The following PCDH15 variants were observed in gnomAD, a reference collection of about 807,000 sequenced individuals.
PCDH15 encodes protocadherin-15.
A neutral mutation model predicts 178.5 loss-of-function variants in PCDH15; 129 were observed. The ratio of observed to expected loss-of-function variants is 0.72; its 90% CI spans 0.63 to 0.84. The LOEUF is 0.84. Ranked by LOEUF, PCDH15 falls within the 40% of genes least tolerant of loss-of-function variation. The probability of loss-of-function intolerance (pLI) is 0.00; values close to 1 mark genes in which losing one functional copy is unlikely to be tolerated. For missense variants in PCDH15, 2,230 were observed against 2,099.9 expected (o/e 1.06, Z -1.21); for synonymous variants, 800 against 732.0 (o/e 1.09, Z -1.50).
At chr10:55,588,462 CCA>C (rs1390741407) in intron 2 of PCDH15, among the ~76,000 whole-genome samples, 1 of 151,938 alleles carries the variant, frequency 6.6e-6, no homozygotes, top group Admixed American at 6.6e-5. Context: ...AAAAGAAACC[CCA>C]CACACATAAA....
intron 18 of PCDH15, among the ~76,000 whole-genome samples, chr10:54,047,948 G>A (rs2093689374): frequency 6.6e-6 from 1 of 152,130 alleles, no homozygotes; most frequent in Non-Finnish European, 1.5e-5. Flanking sequence ...AAGAATGTTG[G>A]TTCAAGTGGT....
At chr10:53,978,657 G>GGTTT (rs1564914167) in intron 21 of PCDH15, among the ~76,000 whole-genome samples, 1 of 143,186 alleles carries the variant, frequency 7.0e-6, no homozygotes, top group Non-Finnish European at 1.5e-5. Context: ...TCCAGAAAAT[G>GGTTT]TTTTTTTTTT....
intron 3 of PCDH15, among the ~76,000 whole-genome samples, chr10:54,880,640 A>T (rs751132487): frequency 6.6e-6 from 1 of 151,748 alleles, no homozygotes; most frequent in Non-Finnish European, 1.5e-5. Flanking sequence ...ATATATTTTT[A>T]GTTGGAATGA....
intron 21 of PCDH15, among the ~76,000 whole-genome samples, chr10:53,990,393 A>G (rs953822382): frequency 9.9e-5 from 15 of 151,716 alleles, no homozygotes; most frequent in Non-Finnish European, 2.9e-5. Flanking sequence ...TTTAAAGTCC[A>G]TAACTATTAA....
rs183003428 is a variant in PCDH15, at chr10:54,592,504, A to G, written c.92-64627T>C. 1.1e-3 allele frequency among the ~76,000 whole-genome samples: 165 copies of G among 152,276 alleles called. 1 individual carries two copies. The highest frequency in any genetic ancestry group is 3.6e-3 in the African/African-American group (151 of 41,562). ...GCTAATTAACATATCCATCACATCC[A>G]TAATGTAAAACATATCTAATGTTGT... On this transcript the variant is annotated intron_variant, in intron 2 of 37. Transcript: ENST00000644397.
intron 1 of PCDH15, among the ~76,000 whole-genome samples, chr10:55,190,861 A>G (rs1432768569): frequency 6.6e-6 from 1 of 151,734 alleles, no homozygotes; most frequent in Non-Finnish European, 1.5e-5. Context: ...ATTACTCTTT[A>G]TAAAAGAGTT....
chr10:54,743,690 G>A (rs1591397589), intron 1 of PCDH15, among the ~76,000 whole-genome samples: 2 of 151,898 alleles, frequency 1.3e-5, no homozygotes, highest in East Asian at 3.9e-4. Flanking sequence ...TAATATAGAG[G>A]CATAGTAGCA....
chr10:54,151,698 T>C (rs916279456), intron 14 of PCDH15, among the ~76,000 whole-genome samples: 6 of 152,136 alleles, frequency 3.9e-5, no homozygotes, highest in Non-Finnish European at 8.8e-5. Flanking sequence ...ATGCAAAATG[T>C]TCTTGGATAG....
intron 2 of PCDH15, among the ~76,000 whole-genome samples, chr10:55,007,517 T>A (rs894454550): frequency 1.4e-5 from 2 of 145,862 alleles, no homozygotes; most frequent in African/African-American, 2.5e-5. Context: ...TAACAGTATA[T>A]GAGGTTGGCA....
intron 8 of PCDH15, among the ~76,000 whole-genome samples, chr10:54,246,617 G>A (rs998543404): frequency 6.6e-6 from 1 of 151,606 alleles, no homozygotes; most frequent in African/African-American, 2.4e-5. Context: ...TTCTTCTAGG[G>A]TATGCTGTGA....
chr10:55,022,711 CTTT>C (rs201891944), intron 2 of PCDH15, among the ~76,000 whole-genome samples: 6 of 113,816 alleles, frequency 5.3e-5, no homozygotes, highest in Admixed American at 9.3e-5. Context: ...TTTTCTTTTT[CTTT>C]TTTTTTTTTT....
intron 2 of PCDH15, among the ~76,000 whole-genome samples, chr10:55,118,980 G>A (rs764851138): frequency 5.9e-5 from 9 of 152,078 alleles, no homozygotes; most frequent in South Asian, 2.1e-4. Context: ...GATGTCTTGC[G>A]GTTGCTTGAG....
chr10:55,440,755 C>T (rs1200111316), intron 2 of PCDH15, among the ~76,000 whole-genome samples: 2 of 152,080 alleles, frequency 1.3e-5, no homozygotes, highest in East Asian at 3.9e-4. Flanking sequence ...TAAAGACATA[C>T]CTGAGACTGG....
At chr10:55,094,038 C>G (rs1842384579) in intron 2 of PCDH15, among the ~76,000 whole-genome samples, 1 of 152,110 alleles carries the variant, frequency 6.6e-6, no homozygotes, top group South Asian at 2.1e-4. Context: ...GAACCCATTG[C>G]TGGGTATATA....
At chr10:55,352,937 T>A (rs1844977877) in intron 2 of PCDH15, among the ~76,000 whole-genome samples, 1 of 152,094 alleles carries the variant, frequency 6.6e-6, no homozygotes, top group African/African-American at 2.4e-5. Flanking sequence ...GCTCAGCAAA[T>A]CTATGAGATG....
chr10:53,832,318 A>G (rs1183711860), intron 29 of PCDH15, among the ~76,000 whole-genome samples: 1 of 151,992 alleles, frequency 6.6e-6, no homozygotes, highest in African/African-American at 2.4e-5. Flanking sequence ...GAGATTGAAA[A>G]AATTTGTTAT....
upstream of PCDH15, among the ~76,000 whole-genome samples, chr10:54,805,936 G>A (rs1480939376): frequency 6.6e-6 from 1 of 151,918 alleles, no homozygotes; most frequent in Admixed American, 6.6e-5. Flanking sequence ...ATTTCTGTTG[G>A]GCTTTCAAAT....
At chr10:54,708,809 C>T (rs907626306) in intron 1 of PCDH15, among the ~76,000 whole-genome samples, 1 of 132,672 alleles carries the variant, frequency 7.5e-6, no homozygotes, top group African/African-American at 2.8e-5. Context: ...TGTGCGCGCG[C>T]GTGCGTGTGG....
At chr10:54,624,317 G>C (rs2093476209) in intron 2 of PCDH15, among the ~76,000 whole-genome samples, 1 of 152,174 alleles carries the variant, frequency 6.6e-6, no homozygotes, top group Admixed American at 6.5e-5. Flanking sequence ...AGAACCACTT[G>C]TCTAGAGTTT....
Sources: allele counts gnomAD v4.1 joint callset (sites outside exome capture counted in the v4.1 genomes callset), GRCh38; gene constraint gnomAD v4.1.1; transcripts MANE v1.5; gene names NCBI Gene and HGNC (gene_info 2026-07-23, HGNC 2026-07-21).